Variants in SLCO3A1 observed in about 807,000 individuals in gnomAD.
SLCO3A1 encodes the protein solute carrier organic anion transporter family member 3A1, also known as PGE1 transporter.
A neutral mutation model predicts 63.1 loss-of-function variants in SLCO3A1; 27 were observed. That is an observed-to-expected ratio of 0.43 (90% CI 0.32 to 0.59). SLCO3A1 has a LOEUF of 0.59. Among genes scored for constraint, SLCO3A1 ranks in the 20% least tolerant of loss-of-function variants. The pLI is 0.09. For synonymous variants in SLCO3A1, 473 were observed against 409.9 expected (o/e 1.15, Z -1.86); for missense variants, 773 against 945.8 (o/e 0.82, Z 2.40).
At chr15:92,143,755 A>AGCTGGG (rs1451684557) in intron 7 of SLCO3A1, among the ~76,000 whole-genome samples, 24 of 150,828 alleles carry the variant, frequency 1.6e-4, no homozygotes, top group Admixed American at 9.9e-4. Context: ...TTGGAGCTGG[A>AGCTGGG]GCTGGGGCTG....
intron 7 of SLCO3A1, among the ~76,000 whole-genome samples, chr15:92,136,315 G>A (rs1034711310): frequency 3.3e-5 from 5 of 152,110 alleles, no homozygotes; most frequent in African/African-American, 9.7e-5. Flanking sequence ...AATAGGGATC[G>A]ATCATCAGGA....
intron 2 of SLCO3A1, among the ~76,000 whole-genome samples, chr15:91,927,139 G>A (rs549220970): frequency 6.6e-6 from 1 of 152,146 alleles, no homozygotes; most frequent in South Asian, 2.1e-4. Flanking sequence ...CATTCTCAGC[G>A]GCATTGGAGA....
chr15:92,171,988 G>T (rs182021615), exon 11 of SLCO3A1: 1 of 720,400 alleles, frequency 1.4e-6, no homozygotes, highest in Admixed American at 2.2e-5. Flanking sequence ...TATCCAGCCA[G>T]TGTGTGGTCC....
chr15:91,861,430 AC>A (rs1358248872), intron 1 of SLCO3A1, among the ~76,000 whole-genome samples: 2 of 152,148 alleles, frequency 1.3e-5, no homozygotes, highest in Admixed American at 1.3e-4. Flanking sequence ...CTTACTGAGG[AC>A]TTAGCAGCTC....
intron 2 of SLCO3A1, among the ~76,000 whole-genome samples, chr15:91,970,493 A>G (rs561867987): frequency 6.6e-6 from 1 of 152,212 alleles, no homozygotes; most frequent in East Asian, 1.9e-4. Context: ...TCAACATGGA[A>G]CTTGAGGTCT....
rs537828745 is a variant in SLCO3A1 at position 91,875,459 on chromosome 15, C to T, written c.180+21371C>T. Among the ~76,000 whole-genome samples the T allele has an allele frequency of 3.7e-4, 56 of 152,330 alleles. No homozygotes were observed. The highest frequency in any genetic ancestry group is 1.3e-3 in the African/African-American group (54 of 41,578). ...GAGACTGCCTGGATTCCAATCCCAG[C>T]TCTGCCCGTCACATGTGACGTAAAC... On this transcript the variant is annotated intron_variant, in intron 1 of 9. Transcript: ENST00000318445. This position sits in a 1 kb window ranked among gnomAD's most constrained non-coding sequence, Gnocchi z 4.5.
chr15:92,103,601 A>G (rs988085803), intron 3 of SLCO3A1, among the ~76,000 whole-genome samples: 6 of 152,080 alleles, frequency 3.9e-5, no homozygotes, highest in Non-Finnish European at 8.8e-5. Context: ...GTGCCCAAGC[A>G]TGCGCCAGGC....
At chr15:92,009,881 G>A (rs1430494897) in intron 2 of SLCO3A1, among the ~76,000 whole-genome samples, 2 of 152,200 alleles carry the variant, frequency 1.3e-5, no homozygotes, top group Non-Finnish European at 2.9e-5. Flanking sequence ...ATGAGGGAAA[G>A]GTGTGCATTC....
chr15:91,922,195 C>T (rs113071444), intron 2 of SLCO3A1, among the ~76,000 whole-genome samples: 4 of 126,974 alleles, frequency 3.2e-5, no homozygotes, highest in Middle Eastern at 4.0e-3. Context: ...CGCGCGTGCA[C>T]GCACACACAC....
chr15:91,876,706 T>G (rs879804028), intron 1 of SLCO3A1, among the ~76,000 whole-genome samples: 1 of 152,238 alleles, frequency 6.6e-6, no homozygotes, highest in Non-Finnish European at 1.5e-5. Context: ...GGAACTGTTC[T>G]CTTTACTGTG....
At chr15:92,134,213 C>T (rs1291221380) in intron 7 of SLCO3A1, among the ~76,000 whole-genome samples, 3 of 152,210 alleles carry the variant, frequency 2.0e-5, no homozygotes, top group African/African-American at 4.8e-5. Flanking sequence ...CAAAGGCTTA[C>T]GGTTTGCAGC....
chr15:91,853,896 C>G lies in SLCO3A1; in HGVS notation c.-13C>G. 1 of 1,347,310 alleles carries G rather than the reference C, an allele frequency of 7.4e-7. No homozygotes were observed. 83.5% of individuals were successfully genotyped at this position (1,347,310 alleles called of 1,614,324 possible). ...GCGGCAGCGGCGGCGGCGGCGGCGG[C>G]GGCGGGGGAAGGATGCAGGGGAAGA... On this transcript the variant is annotated 5_prime_UTR_variant, in exon 1 of 10. Transcript: ENST00000318445.
intron 7 of SLCO3A1, among the ~76,000 whole-genome samples, chr15:92,144,922 A>C (rs954165664): frequency 1.3e-5 from 2 of 152,148 alleles, no homozygotes; most frequent in Non-Finnish European, 1.5e-5. Flanking sequence ...GAGATGGTAA[A>C]ATGAAGGAAG....
chr15:92,168,068 TC>T (rs1318667329), downstream of SLCO3A1, among the ~76,000 whole-genome samples: 2 of 152,202 alleles, frequency 1.3e-5, no homozygotes, highest in Non-Finnish European at 2.9e-5. Context: ...AAAGTTTTGG[TC>T]CCTACCCTCC....
rs2048489608 is a variant in SLCO3A1 at position 92,165,819 on chromosome 15, C to G, written c.*2684C>G. On this transcript the variant is annotated 3_prime_UTR_variant, in exon 10 of 10. Transcript: ENST00000318445. Reference sequence around the variant, plus strand: ...AGCCCCTCGATTATCTGTTTGGTTTCAAGTGAATGAAAAGATTTCCTGGTA... The same window carrying G: ...AGCCCCTCGATTATCTGTTTGGTTTGAAGTGAATGAAAAGATTTCCTGGTA... 4.1e-6 allele frequency: 4 copies of G among 985,092 alleles called. 1 individual carries two copies. The South Asian group carries it at 1.9e-4, about 46-fold the overall frequency. 61.0% of individuals were successfully genotyped at this position (985,092 alleles called of 1,614,324 possible). A position where few individuals can be genotyped will look rare whatever the true frequency, so the allele number is the denominator to read the frequency against.
intron 2 of SLCO3A1, among the ~76,000 whole-genome samples, chr15:92,055,655 A>G (rs929588109): frequency 1.4e-4 from 21 of 152,174 alleles, no homozygotes; most frequent in African/African-American, 5.1e-4. Flanking sequence ...AGGTCTTGCC[A>G]TGGCAGACAA....
intron 1 of SLCO3A1, among the ~76,000 whole-genome samples, chr15:91,896,523 TG>T (rs1470258540): frequency 6.6e-6 from 1 of 152,036 alleles, no homozygotes; most frequent in African/African-American, 2.4e-5. Flanking sequence ...CTCATGGGGG[TG>T]GGTTTTCCCG....
At chr15:92,043,783 A>T (rs1438142629) in intron 2 of SLCO3A1, among the ~76,000 whole-genome samples, 1 of 152,188 alleles carries the variant, frequency 6.6e-6, no homozygotes, top group Non-Finnish European at 1.5e-5. Flanking sequence ...GAGTTAATTC[A>T]TTCAGTTCTT....
chr15:92,144,523 C>G (rs1463937170), intron 7 of SLCO3A1, among the ~76,000 whole-genome samples: 1 of 152,222 alleles, frequency 6.6e-6, no homozygotes, highest in Non-Finnish European at 1.5e-5. Context: ...ATGGAGATTT[C>G]CTTTGTAAAT....
Sources: gnomAD v4.1 joint callset for allele counts (sites outside exome capture counted in the v4.1 genomes callset) on GRCh38, gnomAD v4.1.1 for gene constraint, Gnocchi (gnomAD v3.1) non-coding constraint, MANE v1.5 for transcripts, NCBI Gene and HGNC (gene_info 2026-07-23, HGNC 2026-07-21) for gene names.